SPAG16: variants seen among roughly 807,000 people sequenced by gnomAD.
SPAG16 encodes the protein sperm associated antigen 16.
Under a neutral mutation model 80.4 loss-of-function variants are expected in SPAG16, and 86 were observed. That is an observed-to-expected ratio of 1.07 (90% CI 0.90 to 1.28). The LOEUF is 1.28. SPAG16 is among the 50% of genes most tolerant of loss of function. The pLI, the probability that SPAG16 is intolerant of heterozygous loss-of-function variation, is 0.00. For missense variants in SPAG16, 870 were observed against 765.3 expected (o/e 1.14, Z -1.61); for synonymous variants, 294 against 265.9 (o/e 1.11, Z -1.03).
chr2:214,033,669 T>A (rs202120039), intron 13 of SPAG16, among the ~76,000 whole-genome samples: 3 of 120,882 alleles, frequency 2.5e-5, no homozygotes, highest in Non-Finnish European at 3.5e-5. Context: ...ATTTCCCAAG[T>A]GTTAACATTT....
At chr2:214,030,065 C>T (rs2048333895) in intron 13 of SPAG16, among the ~76,000 whole-genome samples, 1 of 152,104 alleles carries the variant, frequency 6.6e-6, no homozygotes, top group Non-Finnish European at 1.5e-5. Flanking sequence ...CACTCTTGTA[C>T]AGCAGAGCTC....
intron 13 of SPAG16, among the ~76,000 whole-genome samples, chr2:214,055,664 C>A (rs1438959820): frequency 6.6e-6 from 1 of 152,040 alleles, no homozygotes; most frequent in Non-Finnish European, 1.5e-5. Context: ...ATAAAAATTA[C>A]AAAATTAGGA....
At chr2:214,054,618 ATT>A in intron 13 of SPAG16, among the ~76,000 whole-genome samples, 1 of 151,922 alleles carries the variant, frequency 6.6e-6, no homozygotes, top group Middle Eastern at 3.4e-3. Flanking sequence ...TATTTCTATA[ATT>A]TTTTTTGCTG....
intron 10 of SPAG16, among the ~76,000 whole-genome samples, chr2:213,632,777 G>T (rs1393360475): frequency 6.6e-6 from 1 of 152,094 alleles, no homozygotes; most frequent in Non-Finnish European, 1.5e-5. Context: ...TACATTGATT[G>T]ATTGGCGTAA....
At chr2:213,610,692 C>T (rs2125015722) in intron 10 of SPAG16, among the ~76,000 whole-genome samples, 1 of 152,182 alleles carries the variant, frequency 6.6e-6, no homozygotes, top group East Asian at 1.9e-4. Flanking sequence ...TACAGATTCT[C>T]CATAGACAAA....
At chr2:214,371,022 G>T (rs767834853) in intron 15 of SPAG16, among the ~76,000 whole-genome samples, 2 of 152,064 alleles carry the variant, frequency 1.3e-5, no homozygotes, top group African/African-American at 4.8e-5. Flanking sequence ...GCTCCAGATC[G>T]CATTAGAGTC....
chr2:214,180,410 T>G (rs1391729389), intron 15 of SPAG16, among the ~76,000 whole-genome samples: 1 of 151,742 alleles, frequency 6.6e-6, no homozygotes, highest in Non-Finnish European at 1.5e-5. Context: ...AAAGGACAGT[T>G]GATCATCAAA....
intron 15 of SPAG16, chr2:214,237,999 C>G (rs1029975465): frequency 1.1e-5 from 3 of 261,240 alleles, no homozygotes; most frequent in Non-Finnish European, 2.3e-5. Flanking sequence ...ATATCTAATT[C>G]TAAAACAAAC....
At chr2:213,860,066 G>A (rs1029891554) in intron 10 of SPAG16, among the ~76,000 whole-genome samples, 16 of 151,862 alleles carry the variant, frequency 1.1e-4, no homozygotes, top group African/African-American at 3.4e-4. Flanking sequence ...ATTTCTGTAC[G>A]TGGGAAATAT....
chr2:214,059,208 A>G lies in SPAG16; in HGVS notation c.1527+45131A>G, dbSNP rs1286529159. On this transcript the variant is annotated intron_variant, in intron 13 of 15. Coordinates refer to ENST00000331683, the MANE Select transcript of SPAG16 (RefSeq NM_024532.5). Reference sequence around the variant, plus strand: ...TGTCTATATATATATATATATATATATATATATGTATGTGTATATATATAT... The same window carrying G: ...TGTCTATATATATATATATATATATGTATATATGTATGTGTATATATATAT... Among the ~76,000 whole-genome samples, 836 of 87,976 alleles carry G rather than the reference A, an allele frequency of 9.5e-3. 10 individuals carry two copies. The highest frequency in any genetic ancestry group is 0.034 in the African/African-American group (778 of 22,708). The allele number at this position is 87,976 out of a possible 152,430, so 57.7% of individuals were successfully genotyped here. A position where few individuals can be genotyped will look rare whatever the true frequency, so the allele number is the denominator to read the frequency against.
At chr2:214,161,877 A>T (rs1015857087) in intron 15 of SPAG16, among the ~76,000 whole-genome samples, 1 of 152,168 alleles carries the variant, frequency 6.6e-6, no homozygotes, top group Admixed American at 6.6e-5. Flanking sequence ...ATTTTTAAAA[A>T]ATTAAAGAGT....
At chr2:213,342,075 ATC>A (rs2064713823) in intron 6 of SPAG16, among the ~76,000 whole-genome samples, 1 of 152,044 alleles carries the variant, frequency 6.6e-6, no homozygotes, top group Non-Finnish European at 1.5e-5. Context: ...GTCAAGCCAT[ATC>A]TCATGAATGA....
At chr2:213,967,392 C>T (rs2106369084) in intron 12 of SPAG16, among the ~76,000 whole-genome samples, 1 of 152,094 alleles carries the variant, frequency 6.6e-6, no homozygotes, top group Non-Finnish European at 1.5e-5. Context: ...TTCAACAAAG[C>T]TAAATCTTAA....
chr2:213,883,487 G>T (rs1575449789), intron 11 of SPAG16, among the ~76,000 whole-genome samples: 1 of 152,058 alleles, frequency 6.6e-6, no homozygotes, highest in African/African-American at 2.4e-5. Flanking sequence ...TGTATGTTGT[G>T]GTTGTTCGGT....
At chr2:214,280,873 C>T in intron 15 of SPAG16, 1 of 426,204 alleles carries the variant, frequency 2.3e-6, no homozygotes, top group Non-Finnish European at 4.5e-6. Flanking sequence ...TTGTAAGCAT[C>T]TTCATCTTCC....
intron 15 of SPAG16, among the ~76,000 whole-genome samples, chr2:214,392,189 G>T (rs1029536834): frequency 2.6e-5 from 4 of 151,980 alleles, no homozygotes; most frequent in African/African-American, 4.8e-5. Context: ...TTGAGATAGG[G>T]TTTCACTCCC....
At chr2:213,421,608 G>A (rs2069592550) in intron 9 of SPAG16, among the ~76,000 whole-genome samples, 1 of 152,176 alleles carries the variant, frequency 6.6e-6, no homozygotes, top group South Asian at 2.1e-4. Flanking sequence ...GAGGACTTGT[G>A]GTGATTTTTC....
intron 10 of SPAG16, among the ~76,000 whole-genome samples, chr2:213,606,410 A>T (rs1321739768): frequency 6.6e-6 from 1 of 152,214 alleles, no homozygotes; most frequent in African/African-American, 2.4e-5. Flanking sequence ...CACATTTTCG[A>T]CAACATTATT....
intron 9 of SPAG16, among the ~76,000 whole-genome samples, chr2:213,411,279 G>A (rs1407392149): frequency 1.3e-5 from 2 of 152,098 alleles, no homozygotes; most frequent in Non-Finnish European, 2.9e-5. Context: ...AGTCCCACAG[G>A]GAATATCAGA....
Sources: gnomAD v4.1 joint callset for allele counts (sites outside exome capture counted in the v4.1 genomes callset) on GRCh38, gnomAD v4.1.1 for gene constraint, MANE v1.5 for transcripts, NCBI Gene and HGNC (gene_info 2026-07-23, HGNC 2026-07-21) for gene names.